Variants in SPG7 observed in about 807,000 individuals in gnomAD.
SPG7 encodes SPG7 matrix AAA peptidase subunit, paraplegin, also known as mitochondrial inner membrane m-AAA protease component paraplegin.
Under a neutral mutation model 81.9 loss-of-function variants are expected in SPG7, and 103 were observed. The observed-to-expected ratio is 1.26, with a 90% CI of 1.07 to 1.48. The LOEUF (loss-of-function observed/expected upper bound fraction) is 1.48, where lower values mean the gene tolerates loss of function less well. Ranked by LOEUF, SPG7 falls within the 40% of genes most tolerant of loss-of-function variation. The pLI, the probability that SPG7 is intolerant of heterozygous loss-of-function variation, is 0.00. For missense variants in SPG7, 1,241 were observed against 1,087.3 expected, an observed-to-expected ratio of 1.14 and a Z score of -1.99; for synonymous variants, 534 against 444.2, an observed-to-expected ratio of 1.20 and a Z score of -2.54.
chr16:89,550,068 G>C, intron 12 of SPG7: 1 of 290,302 alleles, frequency 3.4e-6, no homozygotes, highest in Non-Finnish European at 6.8e-6. Context: ...CGCAGCTGCA[G>C]CTCCAAGAGG....
intron 9 of SPG7, 147 bp from the exon 10 acceptor site, chr16:89,544,501 C>G (rs1288466993): frequency 4.4e-6 from 4 of 901,908 alleles, no homozygotes; most frequent in South Asian, 2.7e-5. Context: ...GATCGCGGCT[C>G]CTAGTTCAGA....
At chr16:89,529,675 C>A in intron 6 of SPG7, 96 bp downstream of exon 6, 2 of 931,812 alleles carry the variant, frequency 2.1e-6, no homozygotes, top group South Asian at 1.4e-5. Context: ...CAGGGAAAAC[C>A]TGTTGCAGAG....
chr16:89,545,866 T>A (rs1017633765), intron 10 of SPG7: 9 of 422,220 alleles, frequency 2.1e-5, no homozygotes, highest in African/African-American at 1.9e-4. Flanking sequence ...TTCTTTCAAT[T>A]TTTAGAGAAA....
At chr16:89,546,595 T>A in intron 10 of SPG7, 63 bp from the exon 11 acceptor site, 2 of 1,032,292 alleles carry the variant, frequency 1.9e-6, no homozygotes, top group African/African-American at 1.6e-5. Flanking sequence ...CAGACAAACA[T>A]GCCGCACCTG....
At chr16:89,534,196 C>A (rs1322851787) in intron 9 of SPG7, among the ~76,000 whole-genome samples, 1 of 152,178 alleles carries the variant, frequency 6.6e-6, no homozygotes, top group East Asian at 1.9e-4. Context: ...CAGCCTGTGT[C>A]CCGCTGTCTG....
chr16:89,523,154 TAGA>T (rs961576659), intron 3 of SPG7: 2 of 160,864 alleles, frequency 1.2e-5, no homozygotes, highest in African/African-American at 4.8e-5. Context: ...GAAGGTAATT[TAGA>T]AGAATTCACC....
chr16:89,542,876 A>G (rs2152408409), intron 9 of SPG7: 1 of 149,666 alleles, frequency 6.7e-6, no homozygotes, highest in East Asian at 2.0e-4. Flanking sequence ...TGCTGGGATT[A>G]TTAAGGGTTT....
chr16:89,554,722 TC>T, intron 16 of SPG7, 159 bp downstream of exon 16: 1 of 647,864 alleles, frequency 1.5e-6, no homozygotes, highest in South Asian at 1.6e-5. Flanking sequence ...ACTTACGTGT[TC>T]CATACTTTTT....
intron 8 of SPG7, 29 bp downstream of exon 8, chr16:89,532,095 G>A: frequency 3.7e-6 from 6 of 1,607,820 alleles, no homozygotes; most frequent in Non-Finnish European, 5.1e-6. Context: ...GGCTGTGGGT[G>A]GGCTTGGCTG....
rs746053679 is a variant in SPG7, at chr16:89,513,038, G to T, written c.376+1G>T. On this transcript the variant is annotated splice_donor_variant, in intron 3 of 16. Transcript: ENST00000645818. LOFTEE classifies it high-confidence loss of function. Reference sequence around the variant, plus strand: ...GGGAAGGCGCCTGAAGAGGACGAAGGTATATTCATCTGATGTTCTTCAGTC... The same window carrying T: ...GGGAAGGCGCCTGAAGAGGACGAAGTTATATTCATCTGATGTTCTTCAGTC... The T allele has an allele frequency of 1.1e-5, 18 of 1,604,014 alleles. No individual in the cohort carries two copies. The highest frequency in any genetic ancestry group is 2.2e-5 in the East Asian group (1 of 44,536).
chr16:89,553,192 CCTT>C (rs759344272), intron 14 of SPG7, 57 bp downstream of exon 14: 117 of 1,512,370 alleles, frequency 7.7e-5, no homozygotes, highest in Non-Finnish European at 9.8e-5. Context: ...CTGCATGACT[CCTT>C]CTGTTCCAGT....
Position 89,545,479 on chromosome 16 carries a change from G to T in SPG7, c.1449+707G>T, listed in dbSNP as rs560562231. Reference sequence around the variant, plus strand: ...CTCAGTCTCTGTTGGGATGGAGAGTGAAGGGCGGAGCAGAAGCCCTTCCCG... The same window carrying T: ...CTCAGTCTCTGTTGGGATGGAGAGTTAAGGGCGGAGCAGAAGCCCTTCCCG... On this transcript the variant is annotated intron_variant, in intron 10 of 16. Transcript: ENST00000645818. 424 of 190,696 alleles carry T rather than the reference G, an allele frequency of 2.2e-3. 1 individual carries two copies. Among genetic ancestry groups the T allele is most frequent in the Non-Finnish European group, 2.7e-3 (243 of 91,334 alleles). 11.8% of individuals were successfully genotyped at this position (190,696 alleles called of 1,614,324 possible).
intron 10 of SPG7, 61 bp downstream of exon 10, chr16:89,544,833 G>A: frequency 6.2e-7 from 1 of 1,602,080 alleles, no homozygotes; most frequent in South Asian, 1.1e-5. Context: ...CGCTCTGAGT[G>A]GTCTGGCCTC....
chr16:89,526,385 G>T lies in SPG7; in HGVS notation c.675G>T (p.Lys225Asn). 1 of 1,614,166 alleles carries T rather than the reference G, an allele frequency of 6.2e-7. No homozygotes were observed. The highest frequency in any genetic ancestry group is 8.5e-7 in the Non-Finnish European group (1 of 1,180,016). Reference protein sequence around the residue: ...QVANIDKFEEKLRAAEDELNI... With the variant: ...QVANIDKFEENLRAAEDELNI... ...CAAATATTGACAAGTTTGAAGAGAA[G>T]CTTCGAGCAGCTGAAGATGAGCTGA... Residue 225 changes from lysine (K) to asparagine (N), a missense_variant, in exon 5 of 17, where the codon AAG becomes AAT. Lys to Asn is a moderately conservative substitution (Grantham distance 94). Transcript: ENST00000645818.
chr16:89,540,840 A>G, intron 9 of SPG7: 2 of 941,896 alleles, frequency 2.1e-6, no homozygotes, highest in Non-Finnish European at 2.5e-6. Flanking sequence ...CTCACACGAA[A>G]TGCCTGGGCG....
rs774317034 is a variant in SPG7 at position 89,541,312 on chromosome 16, ACTTT to A, written c.1325-3332_1325-3329del. ...GTGTTCTATGCAGCAGTAGAAGGAA[ACTTT>A]CTTCCTGCAGCAACAAGGAAATGAC... On this transcript the variant is annotated intron_variant, in intron 9 of 16. Coordinates refer to ENST00000645818, the MANE Select transcript of SPG7 (RefSeq NM_003119.4). The A allele has an allele frequency of 4.3e-5, 42 of 985,442 alleles. No individual in the cohort carries two copies. The Admixed American group carries it at 1.2e-3, about 27-fold the overall frequency. 61.0% of individuals were successfully genotyped at this position (985,442 alleles called of 1,614,324 possible).
At chr16:89,531,044 C>T (rs765623866) in intron 7 of SPG7, 9 of 620,290 alleles carry the variant, frequency 1.5e-5, no homozygotes, top group Admixed American at 9.8e-5. Context: ...CCTACTGTGC[C>T]GTTAGCCGTC....
chr16:89,544,556 C>A, intron 9 of SPG7, 92 bp from the exon 10 acceptor site: 1 of 1,483,362 alleles, frequency 6.7e-7, no homozygotes, highest in Non-Finnish European at 9.4e-7. Flanking sequence ...GGGGGTCTCT[C>A]TCCCTCCTGT....
chr16:89,536,864 G>A, intron 9 of SPG7: 2 of 1,614,204 alleles, frequency 1.2e-6, no homozygotes, highest in Non-Finnish European at 1.7e-6. Context: ...GGGTCACGGA[G>A]GGCAATGGAG....
Sources: gnomAD v4.1 joint callset for allele counts (sites outside exome capture counted in the v4.1 genomes callset) on GRCh38, gnomAD v4.1.1 for gene constraint, MANE v1.5 for transcripts, NCBI Gene and HGNC (gene_info 2026-07-23, HGNC 2026-07-21) for gene names.